Variants in GALNT14 observed in about 807,000 individuals in gnomAD.
GALNT14 encodes UDP-GalNAc:polypeptide N-acetylgalactosaminyltransferase 14.
GALNT14 carries 60 observed loss-of-function variants against 77.5 expected under a neutral mutation model. That is an observed-to-expected ratio of 0.77 (90% CI 0.63 to 0.96). GALNT14 has a LOEUF of 0.96. Among genes scored for constraint, GALNT14 ranks in the 40% least tolerant of loss-of-function variants. The probability of loss-of-function intolerance (pLI) is 0.00; values close to 1 mark genes in which losing one functional copy is unlikely to be tolerated. For missense variants in GALNT14, 710 were observed against 731.0 expected (o/e 0.97, Z 0.33); for synonymous variants, 280 against 281.7 (o/e 0.99, Z 0.06).
At chr2:30,919,378 G>A (rs1283245252) in intron 13 of GALNT14, among the ~76,000 whole-genome samples, 2 of 152,152 alleles carry the variant, frequency 1.3e-5, no homozygotes, top group African/African-American at 2.4e-5. Context: ...AGGACTGGGG[G>A]TGGAGCAGCA....
intron 1 of GALNT14, among the ~76,000 whole-genome samples, chr2:30,993,322 G>A (rs183966503): frequency 1.1e-4 from 17 of 152,312 alleles, no homozygotes; most frequent in African/African-American, 4.1e-4. Context: ...ATACAGATGA[G>A]ATAACAGCCT....
chr2:31,044,375 T>G (rs928266686), intron 1 of GALNT14, among the ~76,000 whole-genome samples: 1 of 152,178 alleles, frequency 6.6e-6, no homozygotes, highest in Non-Finnish European at 1.5e-5. Context: ...AATGTTTTCC[T>G]CTTGGGATTC....
In GALNT14 at chr2:30,913,367, T is replaced by G. The variant is rs73921189; in HGVS notation, c.1381-1025A>C. On this transcript the variant is annotated intron_variant, in intron 13 of 14. Transcript: ENST00000349752. The stretch of plus-strand genomic sequence containing the variant: ...TTGACCCTGAGCCTCTGGACCAGGT[T>G]ACTCATTGGCTACTTCCCCTTGGCC... 3.1e-3 allele frequency among the ~76,000 whole-genome samples: 478 copies of G among 152,242 alleles called. 2 individuals are homozygous for G. Among genetic ancestry groups the G allele is most frequent in the Middle Eastern group, 0.02 (6 of 294 alleles).
intron 2 of GALNT14, among the ~76,000 whole-genome samples, chr2:30,981,891 G>A (rs1669010773): frequency 6.6e-6 from 1 of 152,198 alleles, no homozygotes; most frequent in Admixed American, 6.5e-5. Context: ...CTTAGAAAGG[G>A]CATGCACTTT....
In GALNT14 at chr2:30,924,931, A is replaced by T. The variant is rs187991908; in HGVS notation, c.1152-108T>A. 832 of 779,852 alleles carry T rather than the reference A, an allele frequency of 1.1e-3. 5 individuals carry two copies. The Admixed American group carries it at 0.013, about 12-fold the overall frequency. The allele number at this position is 779,852 out of a possible 1,614,324, so 48.3% of individuals were successfully genotyped here. A position where few individuals can be genotyped will look rare whatever the true frequency, so the allele number is the denominator to read the frequency against. On this transcript the variant is annotated intron_variant, in intron 11 of 14. Transcript: ENST00000349752. ...AGAACACAAAGCGCGACCCATGCCC[A>T]TGCTCTGTGCTCACATCTCTCTGGA...
At chr2:31,052,941 T>C (rs1411267480) in intron 1 of GALNT14, among the ~76,000 whole-genome samples, 1 of 152,166 alleles carries the variant, frequency 6.6e-6, no homozygotes, top group East Asian at 1.9e-4. Context: ...AGGAGAGCCG[T>C]GAGGGCTACA....
chr2:30,933,620 C>T (rs1161783222), intron 9 of GALNT14, among the ~76,000 whole-genome samples: 1 of 152,150 alleles, frequency 6.6e-6, no homozygotes, highest in Non-Finnish European at 1.5e-5. Flanking sequence ...CCCAGGAAGC[C>T]TGGATTCCCC....
chr2:31,050,314 C>T (rs1045656718), intron 1 of GALNT14, among the ~76,000 whole-genome samples: 8 of 152,232 alleles, frequency 5.3e-5, no homozygotes, highest in African/African-American at 1.4e-4. Context: ...ATTTACCAAG[C>T]GGCCGAGGCG....
chr2:31,036,059 G>A (rs1405327476), intron 1 of GALNT14, among the ~76,000 whole-genome samples: 1 of 152,122 alleles, frequency 6.6e-6, no homozygotes, highest in Non-Finnish European at 1.5e-5. Flanking sequence ...AGAGCAAATA[G>A]TTAGATCTTA....
chr2:31,112,323 C>A (rs1189743248), intron 1 of GALNT14, among the ~76,000 whole-genome samples: 1 of 152,198 alleles, frequency 6.6e-6, no homozygotes, highest in Non-Finnish European at 1.5e-5. Context: ...TCCTGATCAG[C>A]TTGTGAGACG....
In GALNT14 at chr2:31,067,520, A is replaced by C. The variant is rs76180033; in HGVS notation, c.129+70438T>G. 3.5e-3 allele frequency among the ~76,000 whole-genome samples: 533 copies of C among 152,222 alleles called. 1 individual carries two copies. The highest frequency in any genetic ancestry group is 0.012 in the African/African-American group (513 of 41,544). ...AGAGGGTGCACTCACTCAGGAAAGC[A>C]GGGTCTGCTCAGGACATTAGGTCTG... On this transcript the variant is annotated intron_variant, in intron 1 of 14. Coordinates refer to ENST00000349752, the MANE Select transcript of GALNT14 (RefSeq NM_024572.4).
At chr2:31,122,008 T>C (rs183011273) in intron 1 of GALNT14, among the ~76,000 whole-genome samples, 63 of 152,014 alleles carry the variant, frequency 4.1e-4, no homozygotes, top group African/African-American at 1.2e-3. Context: ...TTTGAAGGAA[T>C]AAATAGCCCA....
Position 30,912,271 on chromosome 2 carries a change from A to C in GALNT14, c.1452T>G (p.Pro484=). 1 of 1,614,176 alleles carries C rather than the reference A, an allele frequency of 6.2e-7. No individual in the cohort carries two copies. The highest frequency in any genetic ancestry group is 8.5e-7 in the Non-Finnish European group (1 of 1,180,018). The change falls in exon 14 of 15, where the codon CCT becomes CCG. Residue 484 remains proline, a synonymous_variant. Coordinates refer to ENST00000349752, the MANE Select transcript of GALNT14 (RefSeq NM_024572.4). ...AAAGGACAAGAACCACTGGGGCGCC[A>C]GGGAACAAGGTGATGACTGACAGGC... is the stretch of plus-strand genomic sequence containing the variant. ...ELCLSVITLF[P]GAPVVLVLCK...
chr2:30,965,194 T>C lies in GALNT14; in HGVS notation c.398+1010A>G, dbSNP rs77428152. On this transcript the variant is annotated intron_variant, in intron 3 of 14. Coordinates refer to ENST00000349752, the MANE Select transcript of GALNT14 (RefSeq NM_024572.4). The stretch of plus-strand genomic sequence containing the variant: ...GCTGACAAGAAGGAGGACTCTGAGA[T>C]CAGAGTGCAAGGCCTGGAATCCTGC... Among the ~76,000 whole-genome samples the C allele has an allele frequency of 2.6e-3, 394 of 150,718 alleles. 1 individual carries two copies. Among genetic ancestry groups the C allele is most frequent in the African/African-American group, 8.7e-3 (355 of 41,010 alleles).
chr2:30,990,185 C>T (rs1669615292), intron 2 of GALNT14, among the ~76,000 whole-genome samples: 1 of 152,136 alleles, frequency 6.6e-6, no homozygotes, highest in South Asian at 2.1e-4. Context: ...GAACAACCTA[C>T]AATGCACAGG....
chr2:30,932,252 G>A (rs1005270771), intron 9 of GALNT14, 58 bp from the exon 10 acceptor site: 9 of 1,377,178 alleles, frequency 6.5e-6, no homozygotes, highest in South Asian at 2.0e-5. Context: ...CAGCTTTGAG[G>A]CCCCAGGTCT....
chr2:30,939,794 T>G (rs777186403), intron 9 of GALNT14, among the ~76,000 whole-genome samples: 1 of 152,010 alleles, frequency 6.6e-6, no homozygotes, highest in Non-Finnish European at 1.5e-5. Context: ...CAGGACTCCT[T>G]TCTTCACCCC....
chr2:30,925,371 A>G (rs773447426), intron 11 of GALNT14, among the ~76,000 whole-genome samples: 1 of 152,248 alleles, frequency 6.6e-6, no homozygotes, highest in Non-Finnish European at 1.5e-5. Flanking sequence ...ATAGGCAAAG[A>G]TAATGAAATA....
chr2:30,956,003 T>A (rs140625531), intron 4 of GALNT14, 26 bp from the exon 5 acceptor site: 1 of 1,613,376 alleles, frequency 6.2e-7, no homozygotes, highest in Non-Finnish European at 8.5e-7. Context: ...GTTAAGCCAA[T>A]TGAGCGCCCA....
Sources: gnomAD v4.1 joint callset for allele counts (sites outside exome capture counted in the v4.1 genomes callset) on GRCh38, gnomAD v4.1.1 for gene constraint, MANE v1.5 for transcripts, NCBI Gene and HGNC (gene_info 2026-07-23, HGNC 2026-07-21) for gene names.